The following ZFYVE9 variants were observed in gnomAD, a reference collection of about 807,000 sequenced individuals.
The protein encoded by ZFYVE9 is zinc finger FYVE domain-containing protein 9.
Under a neutral mutation model 126.7 loss-of-function variants are expected in ZFYVE9, and 43 were observed. That is an observed-to-expected ratio of 0.34 (90% CI 0.27 to 0.44). ZFYVE9 has a LOEUF of 0.44. Among genes scored for constraint, ZFYVE9 ranks in the 20% least tolerant of loss-of-function variants. The pLI is 1.00. For missense variants in ZFYVE9, 1,476 were observed against 1,697.0 expected, an observed-to-expected ratio of 0.87 and a Z score of 2.29; for synonymous variants, 521 against 597.4, an observed-to-expected ratio of 0.87 and a Z score of 1.87.
chr1:52,265,023 C>G (rs967241539), intron 5 of ZFYVE9, among the ~76,000 whole-genome samples: 1 of 152,174 alleles, frequency 6.6e-6, no homozygotes, highest in Non-Finnish European at 1.5e-5. Context: ...TACCTAATAC[C>G]TCTTTTATTT....
chr1:52,240,748 A>G (rs1449982546), intron 4 of ZFYVE9, among the ~76,000 whole-genome samples: 1 of 152,094 alleles, frequency 6.6e-6, no homozygotes, highest in Non-Finnish European at 1.5e-5. Flanking sequence ...CTGGGGGGCA[A>G]AAGAGCCTAC....
chr1:52,195,640 T>C (rs1644852398), intron 1 of ZFYVE9, among the ~76,000 whole-genome samples: 2 of 149,746 alleles, frequency 1.3e-5, no homozygotes, highest in Non-Finnish European at 1.5e-5. Context: ...TCAATAAATA[T>C]TATTATTCCC....
At chr1:52,199,949 T>C (rs572326705) in intron 1 of ZFYVE9, among the ~76,000 whole-genome samples, 11 of 152,252 alleles carry the variant, frequency 7.2e-5, no homozygotes, top group African/African-American at 2.6e-4. Context: ...GAGTATCTTA[T>C]CATAATGCCT....
intron 8 of ZFYVE9, among the ~76,000 whole-genome samples, chr1:52,275,049 TATC>T: frequency 6.6e-6 from 1 of 152,320 alleles, no homozygotes; most frequent in African/African-American, 2.4e-5. Context: ...GTAAAATTAT[TATC>T]TAATCAAAAG....
At chr1:52,158,855 C>T (rs1014453119) in intron 1 of ZFYVE9, among the ~76,000 whole-genome samples, 7 of 151,236 alleles carry the variant, frequency 4.6e-5, no homozygotes, top group South Asian at 2.1e-4. Flanking sequence ...TGCAGTGGCA[C>T]GATCTTGGCT....
intron 2 of ZFYVE9, among the ~76,000 whole-genome samples, chr1:52,226,887 A>G (rs1645175294): frequency 6.6e-6 from 1 of 152,248 alleles, no homozygotes. Flanking sequence ...AGGAGGCAAC[A>G]GATGTGCATT....
chr1:52,219,746 C>CTT (rs745920199), intron 2 of ZFYVE9, among the ~76,000 whole-genome samples: 26 of 120,398 alleles, frequency 2.2e-4, no homozygotes, highest in African/African-American at 7.3e-4. Context: ...AGGCCAAGAT[C>CTT]TTTTGTGTGT....
At position 52,218,121 on chromosome 1, in the gene ZFYVE9, G is replaced by T. The variant is rs534021917; in HGVS notation, c.-37+1647G>T. Among the ~76,000 whole-genome samples the T allele has an allele frequency of 2.0e-5, 3 of 152,234 alleles. No homozygotes were observed. The East Asian group carries it at 5.8e-4, about 29-fold the overall frequency. On this transcript the variant is annotated intron_variant, in intron 2 of 18. Transcript: ENST00000287727. ...TGATGCTGTCTATGTAAACTTGAGGGTCAAAGGACCCATTTATTGGGGCTT... is the reference window on the plus strand; with the variant it reads ...TGATGCTGTCTATGTAAACTTGAGGTTCAAAGGACCCATTTATTGGGGCTT...
intron 1 of ZFYVE9, among the ~76,000 whole-genome samples, chr1:52,156,342 T>G (rs1360738735): frequency 1.3e-5 from 2 of 152,216 alleles, no homozygotes; most frequent in African/African-American, 4.8e-5. Context: ...AACTGGTTCC[T>G]GCAGGGGCTA....
chr1:52,317,735 T>C (rs1646199159), intron 13 of ZFYVE9, among the ~76,000 whole-genome samples: 1 of 152,156 alleles, frequency 6.6e-6, no homozygotes, highest in Non-Finnish European at 1.5e-5. Flanking sequence ...ATTACCTTTT[T>C]AGGATGTAAA....
intron 4 of ZFYVE9, among the ~76,000 whole-genome samples, chr1:52,242,680 A>G (rs1645346488): frequency 6.6e-6 from 1 of 152,162 alleles, no homozygotes. Context: ...TCAAACCAAA[A>G]TGTTTCTTTC....
At chr1:52,195,792 C>A (rs1274941044) in intron 1 of ZFYVE9, among the ~76,000 whole-genome samples, 1 of 144,644 alleles carries the variant, frequency 6.9e-6, no homozygotes, top group Admixed American at 6.9e-5. Context: ...TCAGTATAGT[C>A]TTTTTTTTTT....
intron 2 of ZFYVE9, among the ~76,000 whole-genome samples, chr1:52,219,749 TTGTGTGTGTGTGTGTGTGTGTGTG>T (rs56340178): frequency 8.8e-5 from 10 of 113,344 alleles, no homozygotes; most frequent in Non-Finnish European, 1.1e-4. Context: ...CCAAGATCTT[TTGTGTGTGTGTGTGTGTGTGTGTG>T]TGTGTGTGTG....
chr1:52,185,165 A>G (rs564627434), intron 1 of ZFYVE9, among the ~76,000 whole-genome samples: 3 of 152,328 alleles, frequency 2.0e-5, no homozygotes, highest in Admixed American at 6.5e-5. Context: ...GAGGTGTTCA[A>G]CAATTTAATA....
rs1036950841 is a variant in ZFYVE9, at chr1:52,250,766, C to T, written c.2178+11171C>T. Among the ~76,000 whole-genome samples, 4 of 149,994 alleles carry T rather than the reference C, an allele frequency of 2.7e-5. No homozygotes were observed. In the South Asian group the frequency reaches 6.4e-4, roughly 24 times the overall value. On this transcript the variant is annotated intron_variant, in intron 4 of 18. Coordinates refer to ENST00000287727, the MANE Select transcript of ZFYVE9 (RefSeq NM_004799.4). ...ATTCTGTCACCCAGGCTTGAGTGCA[C>T]TGCCATGATCTCAGCTCACCGCATC...
chr1:52,202,306 G>A (rs1192020473), intron 1 of ZFYVE9, among the ~76,000 whole-genome samples: 1 of 151,776 alleles, frequency 6.6e-6, no homozygotes, highest in Non-Finnish European at 1.5e-5. Flanking sequence ...TTAAGACAGT[G>A]TCTCACTCTT....
At chr1:52,184,716 T>C (rs1420606481) in intron 1 of ZFYVE9, among the ~76,000 whole-genome samples, 1 of 152,092 alleles carries the variant, frequency 6.6e-6, no homozygotes, top group Non-Finnish European at 1.5e-5. Context: ...TAGATTTAAA[T>C]AGCTGCTAAT....
chr1:52,155,651 A>G (rs1267767012), intron 1 of ZFYVE9, among the ~76,000 whole-genome samples: 2 of 152,122 alleles, frequency 1.3e-5, no homozygotes, highest in Non-Finnish European at 2.9e-5. Flanking sequence ...GGTACCTCCA[A>G]CAGCATAGGG....
chr1:52,313,470 G>A (rs1005391728), intron 13 of ZFYVE9, among the ~76,000 whole-genome samples: 4 of 152,136 alleles, frequency 2.6e-5, no homozygotes, highest in African/African-American at 9.7e-5. Context: ...AGGACCGATT[G>A]CCAGAAGTGT....
Sources: allele counts gnomAD v4.1 joint callset (sites outside exome capture counted in the v4.1 genomes callset), GRCh38; gene constraint gnomAD v4.1.1; transcripts MANE v1.5; gene names NCBI Gene and HGNC (gene_info 2026-07-23, HGNC 2026-07-21).